KCNQ5: variants seen among roughly 807,000 people sequenced by gnomAD.
KCNQ5 encodes the protein potassium voltage-gated channel subfamily KQT member 5.
A neutral mutation model predicts 98.2 loss-of-function variants in KCNQ5; 30 were observed. The observed-to-expected ratio is 0.31, with a 90% CI of 0.23 to 0.41. The LOEUF (loss-of-function observed/expected upper bound fraction) is 0.41, where lower values mean the gene tolerates loss of function less well. Among genes scored for constraint, KCNQ5 ranks in the 10% least tolerant of loss-of-function variants. The pLI, the probability that KCNQ5 is intolerant of heterozygous loss-of-function variation, is 1.00. For synonymous variants in KCNQ5, 458 were observed against 449.4 expected (o/e 1.02, Z -0.24); for missense variants, 835 against 1,182.5 (o/e 0.71, Z 4.31).
intron 1 of KCNQ5, among the ~76,000 whole-genome samples, chr6:72,880,428 G>A (rs971926274): frequency 6.6e-6 from 1 of 152,146 alleles, no homozygotes; most frequent in Non-Finnish European, 1.5e-5. Flanking sequence ...TGACCTCCAT[G>A]ACATAATTAC....
intron 1 of KCNQ5, among the ~76,000 whole-genome samples, chr6:72,845,162 T>C (rs1391343610): frequency 2.0e-5 from 3 of 152,208 alleles, no homozygotes; most frequent in Admixed American, 6.5e-5. Context: ...TTCTGAGAAA[T>C]TCAGGTGCAC....
intron 1 of KCNQ5, among the ~76,000 whole-genome samples, chr6:72,930,453 A>G (rs1765640596): frequency 6.6e-6 from 1 of 152,004 alleles, no homozygotes. Context: ...CATGTTGAAA[A>G]CAAACAGACC....
intron 11 of KCNQ5, among the ~76,000 whole-genome samples, chr6:73,182,170 G>T (rs1778423016): frequency 1.3e-5 from 2 of 152,136 alleles, no homozygotes; most frequent in African/African-American, 2.4e-5. Context: ...ATAGCCAGGG[G>T]ATCAAAATCT....
chr6:72,645,920 G>C (rs951889015), intron 1 of KCNQ5, among the ~76,000 whole-genome samples: 4 of 152,070 alleles, frequency 2.6e-5, no homozygotes, highest in Non-Finnish European at 5.9e-5. Context: ...CTCCCTGAAA[G>C]GCATTTTTTC....
At chr6:73,091,535 T>C (rs1351697402) in intron 5 of KCNQ5, among the ~76,000 whole-genome samples, 1 of 152,048 alleles carries the variant, frequency 6.6e-6, no homozygotes, top group Non-Finnish European at 1.5e-5. Context: ...CCTTTCCCCA[T>C]TTTATGTTTT....
At chr6:72,659,174 A>T (rs1171962447) in intron 1 of KCNQ5, among the ~76,000 whole-genome samples, 1 of 152,218 alleles carries the variant, frequency 6.6e-6, no homozygotes, top group African/African-American at 2.4e-5. Flanking sequence ...TCCACTTTTA[A>T]ATTTCCACCC....
At chr6:73,021,308 A>T (rs1770597492) in intron 2 of KCNQ5, among the ~76,000 whole-genome samples, 1 of 152,228 alleles carries the variant, frequency 6.6e-6, no homozygotes, top group African/African-American at 2.4e-5. Context: ...ATTTGTTAGT[A>T]GTCTATGTAT....
intron 1 of KCNQ5, among the ~76,000 whole-genome samples, chr6:72,718,029 G>T (rs1769738314): frequency 6.6e-6 from 1 of 152,040 alleles, no homozygotes; most frequent in Admixed American, 6.5e-5. Flanking sequence ...GTCTAAGAGG[G>T]CAAGGATCCC....
chr6:72,801,112 G>T (rs1191297765), intron 1 of KCNQ5, among the ~76,000 whole-genome samples: 2 of 152,078 alleles, frequency 1.3e-5, no homozygotes, highest in Non-Finnish European at 1.5e-5. Flanking sequence ...GTTGATTTGG[G>T]GTGGAGAGTT....
intron 1 of KCNQ5, among the ~76,000 whole-genome samples, chr6:72,754,480 AT>A (rs1409727568): frequency 6.6e-6 from 1 of 152,106 alleles, no homozygotes; most frequent in Non-Finnish European, 1.5e-5. Flanking sequence ...CCCAAACGAC[AT>A]TGGGAAGTGT....
Position 72,639,982 on chromosome 6 carries a change from G to T in KCNQ5, c.398+17395G>T, listed in dbSNP as rs529418515. Among the ~76,000 whole-genome samples, 403 of 152,194 alleles carry T rather than the reference G, an allele frequency of 2.6e-3. 4 individuals are homozygous for T. Among genetic ancestry groups the T allele is most frequent in the African/African-American group, 9.3e-3 (388 of 41,524 alleles). ...AAAAAAGTTTGGAATGGCAACATTG[G>T]GAGCTATGATAAGGCAACATTAAGA... On this transcript the variant is annotated intron_variant, in intron 1 of 13. Transcript: ENST00000370398.
intron 11 of KCNQ5, among the ~76,000 whole-genome samples, chr6:73,175,907 G>A (rs1334299464): frequency 6.6e-6 from 1 of 152,198 alleles, no homozygotes; most frequent in Non-Finnish European, 1.5e-5. Context: ...AAGAAATCTG[G>A]TAGATATGTA....
At chr6:72,925,169 A>G (rs962536343) in intron 1 of KCNQ5, among the ~76,000 whole-genome samples, 5 of 152,170 alleles carry the variant, frequency 3.3e-5, no homozygotes, top group African/African-American at 1.2e-4. Context: ...AAGGTGTCTA[A>G]ATAAGTATAC....
At chr6:72,842,104 G>A (rs754021868) in intron 1 of KCNQ5, among the ~76,000 whole-genome samples, 60 of 152,154 alleles carry the variant, frequency 3.9e-4, no homozygotes, top group Non-Finnish European at 7.8e-4. Context: ...CACGAAGCAA[G>A]GGTTCAGGAG....
At chr6:73,087,387 T>C (rs1273584838) in intron 5 of KCNQ5, among the ~76,000 whole-genome samples, 1 of 152,176 alleles carries the variant, frequency 6.6e-6, no homozygotes, top group Non-Finnish European at 1.5e-5. Flanking sequence ...AGCTCTTGGT[T>C]AAGACAGGAA....
intron 1 of KCNQ5, among the ~76,000 whole-genome samples, chr6:73,003,147 A>G (rs1769663306): frequency 6.6e-6 from 1 of 152,038 alleles, no homozygotes; most frequent in Non-Finnish European, 1.5e-5. Flanking sequence ...TTCCTTGGAA[A>G]CTCAGCTCCC....
chr6:72,668,966 G>T (rs1766962143), intron 1 of KCNQ5, among the ~76,000 whole-genome samples: 1 of 151,890 alleles, frequency 6.6e-6, no homozygotes. Context: ...TGGGGATATG[G>T]ACTTCAATGT....
At chr6:73,185,603 A>G (rs934215517) in intron 11 of KCNQ5, among the ~76,000 whole-genome samples, 1 of 152,224 alleles carries the variant, frequency 6.6e-6, no homozygotes, top group Non-Finnish European at 1.5e-5. Flanking sequence ...ACCTACACAT[A>G]CTTTATTGTT....
At chr6:72,851,254 C>T (rs138414560) in intron 1 of KCNQ5, among the ~76,000 whole-genome samples, 2,301 of 152,240 alleles carry the variant, frequency 0.015, 55 homozygotes, top group African/African-American at 0.049. Context: ...AAAATCCCTA[C>T]TAGTTTAACT....
Sources: gnomAD v4.1 joint callset for allele counts (sites outside exome capture counted in the v4.1 genomes callset) on GRCh38, gnomAD v4.1.1 for gene constraint, MANE v1.5 for transcripts, NCBI Gene and HGNC (gene_info 2026-07-23, HGNC 2026-07-21) for gene names.